The following CLSTN2 variants were observed in gnomAD, a reference collection of about 807,000 sequenced individuals.
CLSTN2 encodes calsyntenin-2.
Under a neutral mutation model 101.2 loss-of-function variants are expected in CLSTN2, and 48 were observed. The observed-to-expected ratio is 0.47, with a 90% CI of 0.38 to 0.60. The LOEUF is 0.60. Ranked by LOEUF, CLSTN2 falls within the 20% of genes least tolerant of loss-of-function variation. The pLI is 0.00. For synonymous variants in CLSTN2, 481 were observed against 463.6 expected, an observed-to-expected ratio of 1.04 and a Z score of -0.48; for missense variants, 1,160 against 1,238.2, an observed-to-expected ratio of 0.94 and a Z score of 0.95.
At chr3:140,270,235 G>A (rs903525186) in intron 2 of CLSTN2, among the ~76,000 whole-genome samples, 1 of 152,114 alleles carries the variant, frequency 6.6e-6, no homozygotes. Flanking sequence ...TCCTAACACA[G>A]GTGAGGAGAT....
intron 8 of CLSTN2, among the ~76,000 whole-genome samples, chr3:140,470,231 C>A (rs907498377): frequency 6.6e-6 from 1 of 152,214 alleles, no homozygotes; most frequent in African/African-American, 2.4e-5. Context: ...GGATTAGTAG[C>A]TAAAATAAGA....
chr3:140,196,590 G>A (rs951164242), intron 2 of CLSTN2, among the ~76,000 whole-genome samples: 4 of 152,200 alleles, frequency 2.6e-5, no homozygotes, highest in Non-Finnish European at 5.9e-5. Context: ...GATAATCATT[G>A]CTGGCTCCGA....
intron 4 of CLSTN2, among the ~76,000 whole-genome samples, chr3:140,409,669 A>G (rs1398371795): frequency 2.6e-5 from 4 of 152,174 alleles, no homozygotes; most frequent in Non-Finnish European, 4.4e-5. Flanking sequence ...TGGTAGCACC[A>G]AAGCAACACA....
intron 1 of CLSTN2, among the ~76,000 whole-genome samples, chr3:140,058,748 G>T (rs973438439): frequency 4.0e-5 from 6 of 151,442 alleles, no homozygotes; most frequent in African/African-American, 7.3e-5. Context: ...GAAGGCCAGG[G>T]TTAAATGTCT....
At chr3:140,368,568 C>T (rs1267273580) in intron 2 of CLSTN2, among the ~76,000 whole-genome samples, 1 of 152,188 alleles carries the variant, frequency 6.6e-6, no homozygotes, top group African/African-American at 2.4e-5. Flanking sequence ...CCTGCCCGAT[C>T]CCCTGTGGTT....
intron 2 of CLSTN2, among the ~76,000 whole-genome samples, chr3:140,223,022 C>G (rs184097522): frequency 6.6e-6 from 1 of 152,154 alleles, no homozygotes; most frequent in Admixed American, 6.5e-5. Context: ...AGATACAACA[C>G]TTGGTGTTGT....
chr3:140,156,128 G>A (rs1043539495), intron 1 of CLSTN2, among the ~76,000 whole-genome samples: 1 of 152,164 alleles, frequency 6.6e-6, no homozygotes, highest in Non-Finnish European at 1.5e-5. Flanking sequence ...GACAGGGATA[G>A]CAAATAAGTT....
At chr3:140,474,455 C>G (rs1034594129) in intron 8 of CLSTN2, among the ~76,000 whole-genome samples, 7 of 152,118 alleles carry the variant, frequency 4.6e-5, no homozygotes, top group Non-Finnish European at 1.0e-4. Flanking sequence ...AGATTTGGAG[C>G]TTTTCTTTTT....
At chr3:140,354,238 T>C (rs866315754) in intron 2 of CLSTN2, among the ~76,000 whole-genome samples, 1 of 152,176 alleles carries the variant, frequency 6.6e-6, no homozygotes, top group African/African-American at 2.4e-5. Flanking sequence ...CAGAGTTGCA[T>C]GGATTAGGAT....
At chr3:139,999,814 G>A (rs954189838) in intron 1 of CLSTN2, among the ~76,000 whole-genome samples, 4 of 152,052 alleles carry the variant, frequency 2.6e-5, no homozygotes, top group Admixed American at 6.6e-5. Flanking sequence ...TATGGTCTAG[G>A]CATGGTGGCA....
chr3:140,013,134 A>T (rs2007123042), intron 1 of CLSTN2, among the ~76,000 whole-genome samples: 1 of 152,210 alleles, frequency 6.6e-6, no homozygotes. Context: ...ACCAAGGAGG[A>T]TGTGGTGGGG....
At chr3:140,509,663 TCTC>T (rs1201364040) in intron 8 of CLSTN2, among the ~76,000 whole-genome samples, 1 of 152,018 alleles carries the variant, frequency 6.6e-6, no homozygotes, top group Non-Finnish European at 1.5e-5. Context: ...GGGGGCCTCA[TCTC>T]CTCCTGGCAT....
intron 1 of CLSTN2, among the ~76,000 whole-genome samples, chr3:140,036,401 C>A (rs910010353): frequency 2.6e-5 from 4 of 152,152 alleles, no homozygotes; most frequent in Non-Finnish European, 5.9e-5. Context: ...CCTAGAATAA[C>A]CCCCTCGGCC....
In CLSTN2 at chr3:140,379,222, C is replaced by T. The variant is rs140783974; in HGVS notation, c.233-24407C>T. Among the ~76,000 whole-genome samples, 22 of 152,292 alleles carry T rather than the reference C, an allele frequency of 1.4e-4. No homozygotes were observed. The East Asian group carries it at 3.7e-3, about 25-fold the overall frequency. ...TTGCCAGCAGGAGCTGAGACCATCT[C>T]ACTTAGGCCTGTTGTTTCTCTGCTG... On this transcript the variant is annotated intron_variant, in intron 2 of 16. Transcript: ENST00000458420.
chr3:140,280,829 G>A (rs2086838772), intron 2 of CLSTN2, among the ~76,000 whole-genome samples: 1 of 152,154 alleles, frequency 6.6e-6, no homozygotes, highest in Non-Finnish European at 1.5e-5. Flanking sequence ...GAACTTGCCT[G>A]GGGTCAGCCT....
At chr3:140,077,501 T>G (rs1239096805) in intron 1 of CLSTN2, among the ~76,000 whole-genome samples, 2 of 152,172 alleles carry the variant, frequency 1.3e-5, no homozygotes, top group African/African-American at 4.8e-5. Flanking sequence ...GTTGCTCAGT[T>G]ATTTCTGTTT....
At chr3:140,200,594 A>G (rs1385143421) in intron 2 of CLSTN2, among the ~76,000 whole-genome samples, 6 of 152,212 alleles carry the variant, frequency 3.9e-5, no homozygotes, top group African/African-American at 1.4e-4. Flanking sequence ...ATAAGGCTAT[A>G]TTGACACGCA....
At chr3:140,550,814 ACTTTTTATAAC>A (rs1433599398) in intron 10 of CLSTN2, among the ~76,000 whole-genome samples, 1 of 151,138 alleles carries the variant, frequency 6.6e-6, no homozygotes, top group Non-Finnish European at 1.5e-5. Context: ...GGATACTGAA[ACTTTTTATAAC>A]CTTTTTATAA....
intron 2 of CLSTN2, among the ~76,000 whole-genome samples, chr3:140,394,486 A>T (rs1022869169): frequency 2.0e-5 from 3 of 152,334 alleles, no homozygotes. Context: ...TCTTACAGCT[A>T]CAGCACTTCT....
Sources: allele counts gnomAD v4.1 joint callset (sites outside exome capture counted in the v4.1 genomes callset), GRCh38; gene constraint gnomAD v4.1.1; transcripts MANE v1.5; gene names NCBI Gene and HGNC (gene_info 2026-07-23, HGNC 2026-07-21).